The following MON2 variants were observed in gnomAD, a reference collection of about 807,000 sequenced individuals.
MON2 encodes protein MON2 homolog.
In MON2, 84 loss-of-function variants were observed where a neutral mutation model predicts 208.6. The observed-to-expected ratio is 0.40, with a 90% confidence interval of 0.34 to 0.48. The LOEUF (loss-of-function observed/expected upper bound fraction) is 0.48. MON2 is among the 20% of genes least tolerant of loss of function. MON2 has a pLI of 0.59. For missense variants in MON2, 1,611 were observed against 2,015.4 expected (o/e 0.80, Z 3.84); for synonymous variants, 660 against 694.0 (o/e 0.95, Z 0.77).
Position 62,526,015 on chromosome 12 carries a change from G to C in MON2, c.1313G>C (p.Gly438Ala). The change falls in exon 11 of 35, where the codon GGT becomes GCT. Residue 438 changes from glycine to alanine, a missense_variant. Physicochemically the swap from Gly to Ala is moderately conservative, Grantham distance 60. Coordinates refer to ENST00000393630, the MANE Select transcript of MON2 (RefSeq NM_015026.3). ...ANSGMVGIGG[G>A]VTLLPAFEYR... is the part of the protein sequence containing the mutation. ...TCAGGAATGGTGGGGATTGGTGGAG[G>C]TGTTACTTTGCTACCAGCATTTGAA... 3 of 1,613,786 alleles carry C rather than the reference G, an allele frequency of 1.9e-6. No homozygotes were observed. Among genetic ancestry groups the C allele is most frequent in the Non-Finnish European group, 2.5e-6 (3 of 1,179,756 alleles).
chr12:62,472,957 T>TA (rs2068869751), intron 1 of MON2, among the ~76,000 whole-genome samples: 1 of 152,126 alleles, frequency 6.6e-6, no homozygotes, highest in Non-Finnish European at 1.5e-5. Flanking sequence ...TTCTCTAACT[T>TA]ATAAGCCAAA....
intron 1 of MON2, among the ~76,000 whole-genome samples, chr12:62,477,356 T>C (rs1268467406): frequency 6.6e-6 from 1 of 152,180 alleles, no homozygotes; most frequent in Non-Finnish European, 1.5e-5. Context: ...GCTATGTTCT[T>C]CTCTCATTTT....
At chr12:62,496,549 A>C (rs767504752) in intron 4 of MON2, among the ~76,000 whole-genome samples, 4 of 152,208 alleles carry the variant, frequency 2.6e-5, no homozygotes, top group Non-Finnish European at 5.9e-5. Flanking sequence ...TTCTAAAACT[A>C]CCATTATGTT....
intron 28 of MON2, 73 bp from the exon 29 acceptor site, chr12:62,566,249 T>C (rs1337969728): frequency 3.3e-6 from 5 of 1,535,308 alleles, no homozygotes; most frequent in Non-Finnish European, 4.4e-6. Flanking sequence ...CAAAGATGCT[T>C]TCTCTTTGAA....
At chr12:62,526,610 A>G (rs1175866107) in intron 11 of MON2, among the ~76,000 whole-genome samples, 2 of 152,196 alleles carry the variant, frequency 1.3e-5, no homozygotes, top group East Asian at 3.9e-4. Context: ...AATTAATTAA[A>G]AAGTGTTTAA....
intron 24 of MON2, among the ~76,000 whole-genome samples, chr12:62,553,974 A>G (rs954831748): frequency 2.0e-5 from 3 of 152,188 alleles, no homozygotes; most frequent in African/African-American, 7.2e-5. Context: ...ACCTGAGGTC[A>G]GGGGTTCAAG....
At chr12:62,547,161 A>T in intron 22 of MON2, 89 bp downstream of exon 22, 1 of 876,972 alleles carries the variant, frequency 1.1e-6, no homozygotes, top group Non-Finnish European at 1.6e-6. Flanking sequence ...TGATAGAGGT[A>T]GAGAAGGACT....
At position 62,594,727 on chromosome 12, in the gene MON2, A is replaced by G. The variant is rs2075486593; in HGVS notation, c.*1978A>G. 1 of 152,268 alleles carries G rather than the reference A, an allele frequency of 6.6e-6. No individual in the cohort carries two copies. Among genetic ancestry groups the G allele is most frequent in the Non-Finnish European group, 1.5e-5 (1 of 68,046 alleles). 9.4% of individuals were successfully genotyped at this position (152,268 alleles called of 1,614,324 possible). On this transcript the variant is annotated 3_prime_UTR_variant, in exon 35 of 35. Coordinates refer to ENST00000393630, the MANE Select transcript of MON2 (RefSeq NM_015026.3). Reference sequence around the variant, plus strand: ...TCAAGTGTATGCAATATACATTTATATGAACCAAAGCTTGCTTTATCAGGA... The same window carrying G: ...TCAAGTGTATGCAATATACATTTATGTGAACCAAAGCTTGCTTTATCAGGA...
intron 32 of MON2, among the ~76,000 whole-genome samples, chr12:62,582,092 G>GCTTAT (rs2075026503): frequency 1.3e-5 from 2 of 152,012 alleles, no homozygotes; most frequent in Admixed American, 6.6e-5. Flanking sequence ...TTTAAACCCC[G>GCTTAT]CTTATCTTAA....
At chr12:62,475,386 G>A (rs1034811548) in intron 1 of MON2, among the ~76,000 whole-genome samples, 3 of 151,594 alleles carry the variant, frequency 2.0e-5, no homozygotes, top group Non-Finnish European at 2.9e-5. Context: ...ACAGGCGCCC[G>A]CTATCATGCC....
In MON2 at chr12:62,556,330, T is replaced by A. The variant is rs2073963651; in HGVS notation, c.3409+138T>A. On this transcript the variant is annotated intron_variant, in intron 25 of 34. Transcript: ENST00000393630. ...GTGTAAGCATCTGTGTTTTCATTCG[T>A]TTGTACCTACTGTGGGCTAGCCTCT... 2.4e-5 allele frequency: 20 copies of A among 846,994 alleles called. No individual in the cohort carries two copies. In the South Asian group the frequency reaches 3.4e-4, roughly 15 times the overall value. The allele number at this position is 846,994 out of a possible 1,614,324, so 52.5% of individuals were successfully genotyped here. A position where few individuals can be genotyped will look rare whatever the true frequency, so the allele number is the denominator to read the frequency against.
Position 62,598,138 on chromosome 12 carries a change from TGAGTCTTTCTG to T in MON2, c.*5394_*5404del, listed in dbSNP as rs1298081186. The T allele has an allele frequency of 6.6e-6, 1 of 152,176 alleles. No individual in the cohort carries two copies. Among genetic ancestry groups the T allele is most frequent in the African/African-American group, 2.4e-5 (1 of 41,456 alleles). The allele number at this position is 152,176 out of a possible 1,614,324, so 9.4% of individuals were successfully genotyped here. ...CCCGGAATCTTATAGTTCTCATATCTGAGTCTTTCTGGAGTGTATTTGGTGTCTGTGTGATT... is the reference window on the plus strand; with the variant it reads ...CCCGGAATCTTATAGTTCTCATATCTGAGTGTATTTGGTGTCTGTGTGATT... On this transcript the variant is annotated 3_prime_UTR_variant, in exon 35 of 35. Coordinates refer to ENST00000393630, the MANE Select transcript of MON2 (RefSeq NM_015026.3).
In MON2 at chr12:62,558,976, A is replaced by T. The variant is rs538233405; in HGVS notation, c.3410-1515A>T. 6.6e-5 allele frequency among the ~76,000 whole-genome samples: 10 copies of T among 152,232 alleles called. No individual in the cohort carries two copies. The South Asian group carries it at 2.1e-3, about 32-fold the overall frequency. On this transcript the variant is annotated intron_variant, in intron 25 of 34. Coordinates refer to ENST00000393630, the MANE Select transcript of MON2 (RefSeq NM_015026.3). ...GCCTTCCAAAGTGCAGGGATTACAG[A>T]TGTGAGGCACTGGGCCCAGCCCTCA... is the stretch of plus-strand genomic sequence containing the variant.
At chr12:62,533,093 T>A (rs957652778) in intron 12 of MON2, among the ~76,000 whole-genome samples, 1 of 152,206 alleles carries the variant, frequency 6.6e-6, no homozygotes, top group African/African-American at 2.4e-5. Context: ...TTTCCTTGTT[T>A]TATATGACCT....
At chr12:62,532,179 G>C (rs1327356589) in intron 11 of MON2, among the ~76,000 whole-genome samples, 1 of 152,110 alleles carries the variant, frequency 6.6e-6, no homozygotes, top group Non-Finnish European at 1.5e-5. Flanking sequence ...GAAAACATTG[G>C]CACAACTCAG....
In MON2 at chr12:62,598,972, C is replaced by A. The variant is rs1023469893; in HGVS notation, c.*6223C>A. 6.6e-6 allele frequency: 1 copy of A among 152,012 alleles called. No individual in the cohort carries two copies. Among genetic ancestry groups the A allele is most frequent in the South Asian group, 2.1e-4 (1 of 4,826 alleles). 9.4% of individuals were successfully genotyped at this position (152,012 alleles called of 1,614,324 possible). A position where few individuals can be genotyped will look rare whatever the true frequency, so the allele number is the denominator to read the frequency against. On this transcript the variant is annotated 3_prime_UTR_variant, in exon 35 of 35. Coordinates refer to ENST00000393630, the MANE Select transcript of MON2 (RefSeq NM_015026.3). The stretch of plus-strand genomic sequence containing the variant: ...TTGATAATTTACCTTTGGATCTGAC[C>A]AGTGATTCATTTTTTTCTTGAATAT...
chr12:62,537,277 A>G lies in MON2; in HGVS notation c.2013+14A>G. 2 of 1,558,972 alleles carry G rather than the reference A, an allele frequency of 1.3e-6. No individual in the cohort carries two copies. Among genetic ancestry groups the G allele is most frequent in the Non-Finnish European group, 1.8e-6 (2 of 1,136,680 alleles). On this transcript the variant is annotated intron_variant, in intron 15 of 34. Coordinates refer to ENST00000393630, the MANE Select transcript of MON2 (RefSeq NM_015026.3). Reference sequence around the variant, plus strand: ...GGGACAGTAATGGTAATGTACTTGTATTTTTCTTGGTTATCAATTAGCTAT... The same window carrying G: ...GGGACAGTAATGGTAATGTACTTGTGTTTTTCTTGGTTATCAATTAGCTAT...
rs568267151 is a variant in MON2 at position 62,566,881 on chromosome 12, A to G, written c.4323+431A>G. Among the ~76,000 whole-genome samples the G allele has an allele frequency of 4.4e-4, 67 of 152,288 alleles. 1 individual carries two copies. The highest frequency in any genetic ancestry group is 8.3e-4 in the South Asian group (4 of 4,814). ...GCACATGTACCCTAAAACTTAAAGT[A>G]TAATTAAAAAAAATTTGTTACAGTT... On this transcript the variant is annotated intron_variant, in intron 29 of 34. Transcript: ENST00000393630.
chr12:62,506,952 C>G (rs2071133934), intron 7 of MON2, among the ~76,000 whole-genome samples: 1 of 152,116 alleles, frequency 6.6e-6, no homozygotes, highest in African/African-American at 2.4e-5. Context: ...TGGGATTACT[C>G]TTGGCTAATA....
Sources: gnomAD v4.1 joint callset for allele counts (sites outside exome capture counted in the v4.1 genomes callset) on GRCh38, gnomAD v4.1.1 for gene constraint, MANE v1.5 for transcripts, NCBI Gene and HGNC (gene_info 2026-07-23, HGNC 2026-07-21) for gene names.